The following RNLS variants were observed in gnomAD, a reference collection of about 807,000 sequenced individuals.
RNLS encodes the protein renalase, FAD dependent amine oxidase.
Under a neutral mutation model 39.8 loss-of-function variants are expected in RNLS, and 39 were observed. The ratio of observed to expected loss-of-function variants is 0.98; its 90% CI spans 0.76 to 1.28. The LOEUF is 1.28. Ranked by LOEUF, RNLS falls within the 50% of genes most tolerant of loss-of-function variation. The probability of loss-of-function intolerance (pLI) is 0.00; values close to 1 mark genes in which losing one functional copy is unlikely to be tolerated. For synonymous variants in RNLS, 147 were observed against 150.7 expected (o/e 0.98, Z 0.18); for missense variants, 410 against 413.3 (o/e 0.99, Z 0.07).
At chr10:88,536,495 A>G (rs1847765662) in intron 4 of RNLS, among the ~76,000 whole-genome samples, 1 of 152,182 alleles carries the variant, frequency 6.6e-6, no homozygotes. Context: ...TTGATTATTT[A>G]AATCCTTTAA....
At chr10:88,502,136 C>G (rs1845528695) in intron 4 of RNLS, among the ~76,000 whole-genome samples, 1 of 151,950 alleles carries the variant, frequency 6.6e-6, no homozygotes, top group African/African-American at 2.4e-5. Flanking sequence ...CAGAAACACC[C>G]AGGGGTACTT....
chr10:88,555,169 T>C (rs1277979171), intron 4 of RNLS, among the ~76,000 whole-genome samples: 2 of 151,962 alleles, frequency 1.3e-5, no homozygotes, highest in Admixed American at 6.6e-5. Context: ...GAGGTGATCA[T>C]GAAAAAGTGA....
At chr10:88,260,212 A>T in the RNLS span, among the ~76,000 whole-genome samples, 3 of 152,210 alleles carry the variant, frequency 2.0e-5, no homozygotes, top group Non-Finnish European at 2.9e-5. Flanking sequence ...AAACATGAAG[A>T]TAAGCAAACT....
the RNLS span, among the ~76,000 whole-genome samples, chr10:88,198,347 C>T: frequency 6.6e-6 from 1 of 152,130 alleles, no homozygotes; most frequent in African/African-American, 2.4e-5. Flanking sequence ...TCAGGGTAGA[C>T]CTTTTGGGAG....
At chr10:88,211,363 T>G in the RNLS span, among the ~76,000 whole-genome samples, 2 of 152,146 alleles carry the variant, frequency 1.3e-5, no homozygotes, top group East Asian at 3.8e-4. Context: ...GAGTACAGTG[T>G]GATGGAGACA....
chr10:88,263,467 T>C, the RNLS span, among the ~76,000 whole-genome samples: 1 of 152,248 alleles, frequency 6.6e-6, no homozygotes, highest in Non-Finnish European at 1.5e-5. Flanking sequence ...ACTGTGAAGA[T>C]AATGAGGCTG....
intron 6 of RNLS, among the ~76,000 whole-genome samples, chr10:88,297,822 A>G (rs1263885810): frequency 6.6e-6 from 1 of 152,140 alleles, no homozygotes; most frequent in Non-Finnish European, 1.5e-5. Flanking sequence ...GTTTGAACAC[A>G]TGCTTTCATT....
At chr10:88,277,613 T>C (rs1452633529) in intron 6 of RNLS, among the ~76,000 whole-genome samples, 1 of 152,194 alleles carries the variant, frequency 6.6e-6, no homozygotes, top group East Asian at 1.9e-4. Flanking sequence ...CCACTCTACT[T>C]ATTTCTCATC....
intron 6 of RNLS, among the ~76,000 whole-genome samples, chr10:88,312,204 C>T (rs1845434439): frequency 6.6e-6 from 1 of 152,198 alleles, no homozygotes; most frequent in Non-Finnish European, 1.5e-5. Context: ...TCTTGGACCA[C>T]ACAGGTGGGC....
intron 4 of RNLS, among the ~76,000 whole-genome samples, chr10:88,450,329 C>G (rs904974066): frequency 1.6e-4 from 24 of 152,266 alleles, no homozygotes; most frequent in African/African-American, 5.3e-4. Flanking sequence ...AGAAGAGAAT[C>G]ACAAGGTAGA....
At chr10:88,454,080 A>G (rs1295781448) in intron 4 of RNLS, among the ~76,000 whole-genome samples, 1 of 152,216 alleles carries the variant, frequency 6.6e-6, no homozygotes, top group Non-Finnish European at 1.5e-5. Context: ...AGAAGAGAAG[A>G]TAGCTTATCA....
At chr10:88,426,938 C>T (rs1246006321) in intron 4 of RNLS, among the ~76,000 whole-genome samples, 1 of 151,836 alleles carries the variant, frequency 6.6e-6, no homozygotes, top group African/African-American at 2.4e-5. Context: ...ATGGGAAGAG[C>T]CTACATTATT....
chr10:88,457,198 C>T (rs1171583475), intron 4 of RNLS, among the ~76,000 whole-genome samples: 1 of 152,080 alleles, frequency 6.6e-6, no homozygotes, highest in East Asian at 1.9e-4. Context: ...AGCAGTTTAC[C>T]CCATTTACTC....
At chr10:88,295,266 T>C (rs972232385) in intron 6 of RNLS, among the ~76,000 whole-genome samples, 1 of 152,182 alleles carries the variant, frequency 6.6e-6, no homozygotes, top group Non-Finnish European at 1.5e-5. Context: ...ATTTAATCTA[T>C]TTTTAGGTAT....
the RNLS span, among the ~76,000 whole-genome samples, chr10:88,195,139 C>G: frequency 6.6e-6 from 1 of 152,204 alleles, no homozygotes; most frequent in Non-Finnish European, 1.5e-5. Context: ...TGTGCGTCTT[C>G]TTTTTCCTGA....
intron 3 of RNLS, among the ~76,000 whole-genome samples, chr10:88,579,797 A>G (rs1432418122): frequency 1.3e-5 from 2 of 152,152 alleles, no homozygotes; most frequent in Non-Finnish European, 2.9e-5. Context: ...GGATGCCTAC[A>G]TATTTGGTCA....
the RNLS span, among the ~76,000 whole-genome samples, chr10:88,246,990 T>C: frequency 3.3e-5 from 5 of 152,190 alleles, no homozygotes; most frequent in African/African-American, 4.8e-5. Flanking sequence ...TTGACCCAAA[T>C]AGCTGTCACT....
chr10:88,508,840 A>G lies in RNLS; in HGVS notation c.526+64063T>C, dbSNP rs2861363. On this transcript the variant is annotated intron_variant, in intron 4 of 6. Coordinates refer to ENST00000331772, the MANE Select transcript of RNLS (RefSeq NM_001031709.3). ...AAAAAAAGAAACATTAGCACCAATA[A>G]TGTCAAATATTCTCATCGTTAGCTT... Among the ~76,000 whole-genome samples, 862 of 152,260 alleles carry G rather than the reference A, an allele frequency of 5.7e-3. 56 individuals carry two copies. In the East Asian group the frequency reaches 0.13, roughly 24 times the overall value.
At chr10:88,223,739 G>T in the RNLS span, among the ~76,000 whole-genome samples, 226 of 152,244 alleles carry the variant, frequency 1.5e-3, 1 homozygote, top group African/African-American at 5.1e-3. Context: ...GGAGACTAGG[G>T]CATACAGTAG....
Sources: allele counts gnomAD v4.1 joint callset (sites outside exome capture counted in the v4.1 genomes callset), GRCh38; gene constraint gnomAD v4.1.1; transcripts MANE v1.5; gene names NCBI Gene and HGNC (gene_info 2026-07-23, HGNC 2026-07-21).